SRGAP1: variants seen among roughly 807,000 people sequenced by gnomAD.
SRGAP1 encodes the protein SLIT-ROBO Rho GTPase activating protein 1.
A neutral mutation model predicts 121.9 loss-of-function variants in SRGAP1; 43 were observed. The ratio of observed to expected loss-of-function variants is 0.35; its 90% CI spans 0.28 to 0.46. The LOEUF (loss-of-function observed/expected upper bound fraction) is 0.46, where lower values mean the gene tolerates loss of function less well. Among genes scored for constraint, SRGAP1 ranks in the 20% least tolerant of loss-of-function variants. SRGAP1 has a pLI of 1.00. For missense variants in SRGAP1, 1,102 were observed against 1,350.9 expected (o/e 0.82, Z 2.89); for synonymous variants, 447 against 485.4 (o/e 0.92, Z 1.04).
chr12:63,975,975 G>A (rs2033081915), intron 1 of SRGAP1, among the ~76,000 whole-genome samples: 1 of 152,154 alleles, frequency 6.6e-6, no homozygotes, highest in Non-Finnish European at 1.5e-5. Context: ...ATTTCATAAG[G>A]TGTCGGATGC....
rs374538474 is a variant in SRGAP1, at chr12:64,111,871, G to C, written c.2029G>C (p.Ala677Pro). The change falls in exon 17 of 22, where the codon GCA becomes CCA. Residue 677 changes from alanine (A) to proline (P), a missense_variant. By Grantham distance (27) the Ala-to-Pro change is conservative. Around this residue, in one of 3 missense-constraint regions of SRGAP1, gnomAD observed 747 missense variants for 929.4 expected, o/e 0.80. Transcript: ENST00000355086. ...AATACAGGATCAAGTGTCTTGCCAG[G>C]CACATGTGAATGAAATTATCAAAAC... ...PEIQDQVSCQ[A>P]HVNEIIKTII... 3.1e-6 allele frequency: 5 copies of C among 1,613,868 alleles called. No individual in the cohort carries two copies. In the African/African-American group the frequency reaches 4.0e-5, roughly 13 times the overall value.
intron 3 of SRGAP1, among the ~76,000 whole-genome samples, chr12:64,003,090 G>GGGGGGGAGGGAA (rs2033957151): frequency 8.5e-6 from 1 of 117,952 alleles, no homozygotes; most frequent in Admixed American, 9.1e-5. Context: ...AAGGGAGGGT[G>GGGGGGGAGGGAA]GGAGGGAGGG....
intron 1 of SRGAP1, among the ~76,000 whole-genome samples, chr12:63,933,318 G>A (rs1000975632): frequency 6.6e-6 from 1 of 152,112 alleles, no homozygotes; most frequent in African/African-American, 2.4e-5. Flanking sequence ...TGGAAGAGGG[G>A]TTCATTCTTT....
At chr12:63,987,020 A>G (rs2033436962) in intron 2 of SRGAP1, among the ~76,000 whole-genome samples, 2 of 152,180 alleles carry the variant, frequency 1.3e-5, no homozygotes, top group Admixed American at 1.3e-4. Context: ...TATTGGCTCC[A>G]CTTTGTGACT....
At chr12:63,888,964 G>A (rs867051969) in intron 1 of SRGAP1, among the ~76,000 whole-genome samples, 4 of 152,182 alleles carry the variant, frequency 2.6e-5, no homozygotes, top group Admixed American at 6.5e-5. Flanking sequence ...GGAGAGGGTC[G>A]ATGAGGGTGC....
intron 19 of SRGAP1, 120 bp from the exon 20 acceptor site, chr12:64,127,470 T>C (rs2036711033): frequency 1.7e-5 from 16 of 945,246 alleles, no homozygotes; most frequent in Non-Finnish European, 2.4e-5. Flanking sequence ...AGGGCTTTCA[T>C]GCATAATGCT....
intron 15 of SRGAP1, among the ~76,000 whole-genome samples, chr12:64,108,071 G>A (rs770851168): frequency 3.3e-5 from 5 of 152,188 alleles, no homozygotes; most frequent in Non-Finnish European, 7.3e-5. Flanking sequence ...ATGACAGTGT[G>A]TGCCCTGCCT....
intron 1 of SRGAP1, among the ~76,000 whole-genome samples, chr12:63,918,150 T>C (rs2030874942): frequency 6.6e-6 from 1 of 152,222 alleles, no homozygotes; most frequent in Non-Finnish European, 1.5e-5. Context: ...AGCTATGTCC[T>C]TGAGCAATAA....
At chr12:63,992,270 A>C (rs1250098403) in intron 3 of SRGAP1, among the ~76,000 whole-genome samples, 1 of 152,224 alleles carries the variant, frequency 6.6e-6, no homozygotes, top group African/African-American at 2.4e-5. Flanking sequence ...ATAGAAACCT[A>C]GGGCTAAGAG....
intron 1 of SRGAP1, among the ~76,000 whole-genome samples, chr12:63,913,507 GTA>G (rs1198486090): frequency 6.1e-5 from 8 of 130,926 alleles, no homozygotes; most frequent in African/African-American, 1.1e-4. Context: ...ACATATATGT[GTA>G]TATATATATA....
chr12:64,086,231 T>C (rs116058953), intron 10 of SRGAP1, among the ~76,000 whole-genome samples: 343 of 152,344 alleles, frequency 2.3e-3, no homozygotes, highest in African/African-American at 8.0e-3. Flanking sequence ...TGGTTCAATG[T>C]TTCCCACATT....
intron 1 of SRGAP1, among the ~76,000 whole-genome samples, chr12:63,884,986 C>G (rs867803641): frequency 6.6e-6 from 1 of 152,256 alleles, no homozygotes; most frequent in Middle Eastern, 3.4e-3. Flanking sequence ...TCCCAAAGTG[C>G]TGGGATTACA....
chr12:64,128,878 C>G (rs1592348296), intron 21 of SRGAP1, among the ~76,000 whole-genome samples: 1 of 152,078 alleles, frequency 6.6e-6, no homozygotes, highest in East Asian at 1.9e-4. Context: ...TAAAATTGAC[C>G]AAGTAAAAGG....
chr12:64,109,082 C>A, intron 16 of SRGAP1, 45 bp downstream of exon 16: 2 of 1,306,768 alleles, frequency 1.5e-6, no homozygotes, highest in Non-Finnish European at 1.1e-6. Flanking sequence ...TGAATTCTGT[C>A]TTTGTTCTTC....
At chr12:63,874,239 T>C (rs1248820740) in intron 1 of SRGAP1, among the ~76,000 whole-genome samples, 1 of 152,118 alleles carries the variant, frequency 6.6e-6, no homozygotes, top group Non-Finnish European at 1.5e-5. Context: ...AGTCTGCCTC[T>C]GTCTCCCAGG....
chr12:63,921,612 G>A (rs560087470), intron 1 of SRGAP1, among the ~76,000 whole-genome samples: 3 of 152,214 alleles, frequency 2.0e-5, no homozygotes, highest in South Asian at 2.1e-4. Flanking sequence ...CTCCCCTAAC[G>A]TGTACACGTA....
chr12:63,940,653 G>A (rs2031833390), intron 1 of SRGAP1, among the ~76,000 whole-genome samples: 1 of 152,154 alleles, frequency 6.6e-6, no homozygotes, highest in Non-Finnish European at 1.5e-5. Context: ...CCACTGAATG[G>A]CTAATTGTTC....
intron 15 of SRGAP1, among the ~76,000 whole-genome samples, chr12:64,101,275 C>T (rs558531671): frequency 7.5e-4 from 112 of 149,936 alleles, no homozygotes; most frequent in African/African-American, 2.6e-3. Flanking sequence ...CACTACTTTT[C>T]GCTTCCGTAT....
intron 15 of SRGAP1, among the ~76,000 whole-genome samples, chr12:64,098,721 A>G (rs1045063399): frequency 2.0e-5 from 3 of 152,140 alleles, no homozygotes; most frequent in Non-Finnish European, 2.9e-5. Context: ...GCCAATTCAT[A>G]TAATTGAATT....
Sources: allele counts gnomAD v4.1 joint callset (sites outside exome capture counted in the v4.1 genomes callset), GRCh38; gene constraint gnomAD v4.1.1; regional missense constraint gnomAD v4.1.1; transcripts MANE v1.5; gene names NCBI Gene and HGNC (gene_info 2026-07-23, HGNC 2026-07-21).